PLPP3: variants seen among roughly 807,000 people sequenced by gnomAD.
The protein encoded by PLPP3 is phospholipid phosphatase 3.
PLPP3 carries 6 observed loss-of-function variants against 29.6 expected under a neutral mutation model. The ratio of observed to expected loss-of-function variants is 0.20; its 90% CI spans 0.11 to 0.40. The LOEUF (loss-of-function observed/expected upper bound fraction) is 0.40. Ranked by LOEUF, PLPP3 falls within the 10% of genes least tolerant of loss-of-function variation. The pLI is 1.00. For missense variants in PLPP3, 308 were observed against 407.7 expected, an observed-to-expected ratio of 0.76 and a Z score of 2.11; for synonymous variants, 152 against 159.7, an observed-to-expected ratio of 0.95 and a Z score of 0.36.
chr1:56,534,800 G>C (rs1210340009), intron 2 of PLPP3, among the ~76,000 whole-genome samples: 4 of 152,146 alleles, frequency 2.6e-5, no homozygotes, highest in African/African-American at 9.7e-5. Context: ...CAGGTAAGCA[G>C]GCTAGGAGGC....
intron 1 of PLPP3, among the ~76,000 whole-genome samples, chr1:56,543,185 C>G (rs114455337): frequency 6.6e-6 from 1 of 152,080 alleles, no homozygotes; most frequent in African/African-American, 2.4e-5. Flanking sequence ...ATTTGGACCA[C>G]CTATTCAAAA....
chr1:56,547,277 T>C (rs1646012010), intron 1 of PLPP3, among the ~76,000 whole-genome samples: 1 of 152,190 alleles, frequency 6.6e-6, no homozygotes, highest in African/African-American at 2.4e-5. Context: ...TCCTGGCACA[T>C]AGTGGGAGTT....
At chr1:56,500,141 A>G (rs569897571) in intron 5 of PLPP3, among the ~76,000 whole-genome samples, 7 of 152,364 alleles carry the variant, frequency 4.6e-5, no homozygotes, top group African/African-American at 1.4e-4. Flanking sequence ...TGGAAAATGA[A>G]TGAATGCAAT....
chr1:56,548,494 G>A (rs545255756), intron 1 of PLPP3, among the ~76,000 whole-genome samples: 27 of 152,104 alleles, frequency 1.8e-4, no homozygotes, highest in Admixed American at 5.2e-4. Flanking sequence ...GAAGTACAAC[G>A]CAAACTTCTT....
chr1:56,570,475 C>T (rs950805502), intron 1 of PLPP3, among the ~76,000 whole-genome samples: 1 of 152,210 alleles, frequency 6.6e-6, no homozygotes, highest in Admixed American at 6.5e-5. Flanking sequence ...AAATCAAGTT[C>T]CTTTCAAAGG....
Position 56,578,930 on chromosome 1 carries a change from GCTC to G in PLPP3, c.84_86del (p.Arg28del). On this transcript the variant is annotated inframe_deletion, in exon 1 of 6. Coordinates refer to ENST00000371250, the MANE Select transcript of PLPP3 (RefSeq NM_003713.5). ...AGATGAGCAGCACCCGCTTGCTGCC[GCTC>G]CTCCTCGGGTTGTTGTTGAGCGCCG... is the stretch of plus-strand genomic sequence containing the variant. 1 of 1,605,464 alleles carries G rather than the reference GCTC, an allele frequency of 6.2e-7. No homozygotes were observed. Among genetic ancestry groups the G allele is most frequent in the Non-Finnish European group, 8.5e-7 (1 of 1,176,906 alleles).
chr1:56,577,306 G>A (rs1646243144), intron 1 of PLPP3, among the ~76,000 whole-genome samples: 1 of 152,106 alleles, frequency 6.6e-6, no homozygotes, highest in Non-Finnish European at 1.5e-5. Context: ...AGGAAGGTAG[G>A]CCCCCCAGTG....
In PLPP3 at chr1:56,579,164, G is replaced by T. The variant is rs975402139; in HGVS notation, c.-148C>A. 1.3e-5 allele frequency: 13 copies of T among 1,011,810 alleles called. No homozygotes were observed. The highest frequency in any genetic ancestry group is 1.8e-5 in the Non-Finnish European group (13 of 730,240). The allele number at this position is 1,011,810 out of a possible 1,614,324, so 62.7% of individuals were successfully genotyped here. A position where few individuals can be genotyped will look rare whatever the true frequency, so the allele number is the denominator to read the frequency against. ...CTCCGGGCGCGGCGGCTAGAGTGCA[G>T]CCGGGGCTGCCTGCCTCCAACTGCA... On this transcript the variant is annotated 5_prime_UTR_variant, in exon 1 of 6. In the 5' UTR this introduces an upstream ATG that the reference lacks. Transcript: ENST00000371250.
chr1:56,558,102 G>A (rs762991185), intron 1 of PLPP3, among the ~76,000 whole-genome samples: 6 of 152,330 alleles, frequency 3.9e-5, no homozygotes, highest in South Asian at 2.1e-4. Context: ...CTCTTTTCAC[G>A]GGAGGGAGGA....
chr1:56,553,516 C>G (rs1456821263), intron 1 of PLPP3, among the ~76,000 whole-genome samples: 1 of 152,184 alleles, frequency 6.6e-6, no homozygotes, highest in Non-Finnish European at 1.5e-5. Flanking sequence ...GACACCACAC[C>G]AGGTCCTGGA....
intron 1 of PLPP3, among the ~76,000 whole-genome samples, chr1:56,539,469 G>A (rs1427949001): frequency 6.6e-6 from 1 of 152,132 alleles, no homozygotes; most frequent in East Asian, 1.9e-4. Flanking sequence ...GAATTCTATG[G>A]CTATTTATTT....
At position 56,578,983 on chromosome 1, in the gene PLPP3, G is replaced by A. The variant is rs1002367298; in HGVS notation, c.34C>T (p.Pro12Ser). Residue 12 changes from proline (P) to serine (S), a missense_variant, in exon 1 of 6, where the codon CCG becomes TCG. Around this residue, in one of 3 missense-constraint regions of PLPP3, gnomAD observed 67 missense variants for 61.3 expected, o/e 1.09. Coordinates refer to ENST00000371250, the MANE Select transcript of PLPP3 (RefSeq NM_003713.5). ...GGGCTGCCGCCGTTCTTGCTCTCCGGGACGATCGCTTTGTCGTACTTGTAG... is the reference window on the plus strand; with the variant it reads ...GGGCTGCCGCCGTTCTTGCTCTCCGAGACGATCGCTTTGTCGTACTTGTAG... ...QNYKYDKAIV[P>S]ESKNGGSPAL... 9 of 1,602,198 alleles carry A rather than the reference G, an allele frequency of 5.6e-6. No homozygotes were observed. The East Asian group carries it at 1.2e-4, about 21-fold the overall frequency.
intron 2 of PLPP3, among the ~76,000 whole-genome samples, chr1:56,530,598 T>C (rs1376545752): frequency 6.6e-6 from 1 of 152,254 alleles, no homozygotes; most frequent in Non-Finnish European, 1.5e-5. Context: ...ATCCGGCTTT[T>C]GCAAGGTCTT....
chr1:56,551,314 C>CTTTGGTTTGGTTTGCTTTGGTTTGCTTT (rs1557511377), intron 1 of PLPP3, among the ~76,000 whole-genome samples: 2 of 133,704 alleles, frequency 1.5e-5, no homozygotes, highest in Admixed American at 1.5e-4. Flanking sequence ...CGGTTCGGTT[C>CTTTGGTTTGGTTTGCTTTGGTTTGCTTT]GGTTCGGTTT....
At chr1:56,530,304 T>C (rs1247255156) in intron 2 of PLPP3, among the ~76,000 whole-genome samples, 1 of 118,340 alleles carries the variant, frequency 8.5e-6, no homozygotes, top group Non-Finnish European at 1.8e-5. Flanking sequence ...ATAGCTTCAA[T>C]TGTTACCTCT....
At chr1:56,574,061 A>C (rs1646218554) in intron 1 of PLPP3, among the ~76,000 whole-genome samples, 1 of 151,890 alleles carries the variant, frequency 6.6e-6, no homozygotes, top group Non-Finnish European at 1.5e-5. Context: ...TTAGCTAAGC[A>C]TGGTGGCACG....
Position 56,495,094 on chromosome 1 carries a change from AAT to A in PLPP3, c.*1455_*1456del, listed in dbSNP as rs1645622703. 6.6e-6 allele frequency: 1 copy of A among 152,472 alleles called. No homozygotes were observed. Among genetic ancestry groups the A allele is most frequent in the African/African-American group, 2.4e-5 (1 of 41,430 alleles). 9.4% of individuals were successfully genotyped at this position (152,472 alleles called of 1,614,324 possible). ...GATATAGCTAAATTGTTTCAGAAATAATATCTTACATAGTTAACTTTTAATGT... is the reference window on the plus strand; with the variant it reads ...GATATAGCTAAATTGTTTCAGAAATAATCTTACATAGTTAACTTTTAATGT... On this transcript the variant is annotated 3_prime_UTR_variant, in exon 6 of 6. Coordinates refer to ENST00000371250, the MANE Select transcript of PLPP3 (RefSeq NM_003713.5).
At chr1:56,562,865 T>C (rs1646139851) in intron 1 of PLPP3, among the ~76,000 whole-genome samples, 1 of 152,210 alleles carries the variant, frequency 6.6e-6, no homozygotes, top group Non-Finnish European at 1.5e-5. Context: ...TTATATTTCT[T>C]AGACTTTCCC....
intron 2 of PLPP3, among the ~76,000 whole-genome samples, chr1:56,533,569 T>A (rs1000307140): frequency 6.6e-5 from 10 of 151,504 alleles, no homozygotes; most frequent in African/African-American, 2.4e-4. Flanking sequence ...TGAGCCCCGG[T>A]TGAGTTAGCT....
Sources: allele counts gnomAD v4.1 joint callset (sites outside exome capture counted in the v4.1 genomes callset), GRCh38; gene constraint gnomAD v4.1.1; regional missense constraint gnomAD v4.1.1; transcripts MANE v1.5; gene names NCBI Gene and HGNC (gene_info 2026-07-23, HGNC 2026-07-21).